Variants in AGBL4 observed in about 807,000 individuals in gnomAD.
AGBL4 encodes cytosolic carboxypeptidase 6.
A neutral mutation model predicts 66.4 loss-of-function variants in AGBL4; 58 were observed. The observed-to-expected ratio is 0.87, with a 90% CI of 0.71 to 1.09. AGBL4 has a LOEUF of 1.09. Ranked by LOEUF, AGBL4 falls within the 50% of genes least tolerant of loss-of-function variation. The pLI is 0.00. For synonymous variants in AGBL4, 234 were observed against 222.9 expected (o/e 1.05, Z -0.44); for missense variants, 579 against 631.0 (o/e 0.92, Z 0.88).
chr1:49,980,077 T>C (rs1296576070), intron 1 of AGBL4, among the ~76,000 whole-genome samples: 2 of 152,166 alleles, frequency 1.3e-5, no homozygotes, highest in Admixed American at 1.3e-4. Flanking sequence ...ATATACAAAA[T>C]ATGTGTTAAT....
chr1:49,488,732 C>T (rs572936340), intron 3 of AGBL4, among the ~76,000 whole-genome samples: 9 of 151,926 alleles, frequency 5.9e-5, no homozygotes, highest in African/African-American at 2.2e-4. Flanking sequence ...CTTCTGTCTA[C>T]TCTCCATCTC....
chr1:49,425,939 C>T (rs2030950), intron 3 of AGBL4, among the ~76,000 whole-genome samples: 19,650 of 152,184 alleles, frequency 0.13, 1,663 homozygotes, highest in South Asian at 0.19. Flanking sequence ...GGCTCTGTGA[C>T]GCCTGGCAAG....
At chr1:48,994,839 C>T (rs969842785) in intron 5 of AGBL4, among the ~76,000 whole-genome samples, 4 of 151,964 alleles carry the variant, frequency 2.6e-5, no homozygotes, top group Admixed American at 2.0e-4. Context: ...GTATATATTT[C>T]CTATGCATAA....
At chr1:48,789,238 C>T (rs982818807) in intron 6 of AGBL4, among the ~76,000 whole-genome samples, 3 of 152,054 alleles carry the variant, frequency 2.0e-5, no homozygotes, top group African/African-American at 7.2e-5. Context: ...TCACCAACTC[C>T]ACATAGAAAC....
chr1:49,952,685 T>A (rs1237283159), intron 1 of AGBL4, among the ~76,000 whole-genome samples: 1 of 151,892 alleles, frequency 6.6e-6, no homozygotes, highest in Non-Finnish European at 1.5e-5. Context: ...CCAACATTCT[T>A]TGTCTCAGTC....
At chr1:49,322,396 T>C (rs968786985) in intron 3 of AGBL4, among the ~76,000 whole-genome samples, 2 of 152,190 alleles carry the variant, frequency 1.3e-5, no homozygotes, top group African/African-American at 4.8e-5. Flanking sequence ...TCTTTTTAAA[T>C]AAAAGCCATT....
intron 1 of AGBL4, among the ~76,000 whole-genome samples, chr1:49,976,351 G>C (rs1204332234): frequency 2.0e-5 from 3 of 152,008 alleles, no homozygotes; most frequent in Non-Finnish European, 2.9e-5. Flanking sequence ...TGGCTTCCCT[G>C]TACCCATGCA....
chr1:48,813,861 A>G (rs764244274), intron 6 of AGBL4, among the ~76,000 whole-genome samples: 2 of 150,324 alleles, frequency 1.3e-5, no homozygotes, highest in Non-Finnish European at 3.0e-5. Flanking sequence ...TTTTCAAATC[A>G]AGGCTCAGGA....
chr1:49,464,283 A>G (rs188849835), intron 3 of AGBL4, among the ~76,000 whole-genome samples: 175 of 151,864 alleles, frequency 1.2e-3, no homozygotes, highest in Non-Finnish European at 1.9e-3. Flanking sequence ...ACCTAAATGG[A>G]GATTATTACT....
chr1:48,977,938 T>C (rs1285262596), intron 5 of AGBL4, among the ~76,000 whole-genome samples: 1 of 152,138 alleles, frequency 6.6e-6, no homozygotes. Flanking sequence ...CATTGGTAGT[T>C]ACCTTTACAA....
chr1:49,375,405 T>C (rs1172838109), intron 3 of AGBL4, among the ~76,000 whole-genome samples: 1 of 151,724 alleles, frequency 6.6e-6, no homozygotes, highest in Non-Finnish European at 1.5e-5. Flanking sequence ...GAAGTGATGA[T>C]TTTTTTTTCT....
chr1:48,953,611 C>A (rs768891871), intron 5 of AGBL4, among the ~76,000 whole-genome samples: 29 of 152,184 alleles, frequency 1.9e-4, no homozygotes, highest in Non-Finnish European at 3.8e-4. Context: ...GTTCCTAGCA[C>A]AGTGCCTGGG....
chr1:49,310,564 A>T (rs1644925392), intron 3 of AGBL4, among the ~76,000 whole-genome samples: 1 of 152,050 alleles, frequency 6.6e-6, no homozygotes, highest in Non-Finnish European at 1.5e-5. Flanking sequence ...CAATCAATGG[A>T]CTCATATAAG....
Position 49,362,433 on chromosome 1 carries a change from G to A in AGBL4, c.283-116569C>T, listed in dbSNP as rs200686020. ...ACTATACACTCCAGCATGGGCAACA[G>A]AGCAAGACCCTGTCTCAAAAAAAAA... On this transcript the variant is annotated intron_variant, in intron 3 of 13. Coordinates refer to ENST00000371839, the MANE Select transcript of AGBL4 (RefSeq NM_032785.4). Among the ~76,000 whole-genome samples the A allele has an allele frequency of 3.5e-4, 41 of 117,330 alleles. No homozygotes were observed. In the East Asian group the frequency reaches 0.01, roughly 29 times the overall value. 77.0% of individuals were successfully genotyped at this position (117,330 alleles called of 152,430 possible). A position where few individuals can be genotyped will look rare whatever the true frequency, so the allele number is the denominator to read the frequency against.
In AGBL4 at chr1:49,713,808, T is replaced by C. The variant is rs537329622; in HGVS notation, c.158-16371A>G. Reference sequence around the variant, plus strand: ...TGCTTAGAAAAGTCTCCTCATTTTTTTTTAAGAGATAGGGTATTTGTATAT... The same window carrying C: ...TGCTTAGAAAAGTCTCCTCATTTTTCTTTAAGAGATAGGGTATTTGTATAT... On this transcript the variant is annotated intron_variant, in intron 2 of 13. Transcript: ENST00000371839. Among the ~76,000 whole-genome samples the C allele has an allele frequency of 3.9e-5, 6 of 152,158 alleles. No homozygotes were observed. The South Asian group carries it at 1.2e-3, about 32-fold the overall frequency.
At chr1:48,711,071 C>G (rs1646960160) in intron 6 of AGBL4, among the ~76,000 whole-genome samples, 2 of 152,116 alleles carry the variant, frequency 1.3e-5, no homozygotes, top group African/African-American at 4.8e-5. Flanking sequence ...CCTGATCACC[C>G]TTGACTGGAG....
intron 6 of AGBL4, among the ~76,000 whole-genome samples, chr1:48,813,239 T>C (rs1386263143): frequency 6.6e-6 from 1 of 152,114 alleles, no homozygotes; most frequent in African/African-American, 2.4e-5. Flanking sequence ...GATTAGGAAG[T>C]TTCTAAAAGA....
intron 4 of AGBL4, among the ~76,000 whole-genome samples, chr1:49,117,066 T>C (rs1443684051): frequency 7.0e-6 from 1 of 143,356 alleles, no homozygotes; most frequent in Non-Finnish European, 1.5e-5. Flanking sequence ...TTTGATGGGG[T>C]TTTTTTTTTT....
chr1:49,651,731 C>A (rs920449343), intron 3 of AGBL4, among the ~76,000 whole-genome samples: 1 of 151,950 alleles, frequency 6.6e-6, no homozygotes, highest in Non-Finnish European at 1.5e-5. Flanking sequence ...CAAACAACAG[C>A]AAATTCAAAA....
Sources: gnomAD v4.1 joint callset for allele counts (sites outside exome capture counted in the v4.1 genomes callset) on GRCh38, gnomAD v4.1.1 for gene constraint, MANE v1.5 for transcripts, NCBI Gene and HGNC (gene_info 2026-07-23, HGNC 2026-07-21) for gene names.